Variants in PDE3A observed in about 807,000 individuals in gnomAD.
PDE3A encodes phosphodiesterase 3A.
PDE3A carries 43 observed loss-of-function variants against 98.3 expected under a neutral mutation model. The ratio of observed to expected loss-of-function variants is 0.44; its 90% confidence interval spans 0.34 to 0.56. The LOEUF (loss-of-function observed/expected upper bound fraction) is 0.56, where lower values mean the gene tolerates loss of function less well. Ranked by LOEUF, PDE3A falls within the 20% of genes least tolerant of loss-of-function variation. The pLI is 0.01. For synonymous variants in PDE3A, 663 were observed against 567.9 expected (o/e 1.17, Z -2.38); for missense variants, 1,427 against 1,440.7 (o/e 0.99, Z 0.15).
At chr12:20,427,528 A>C (rs1944620796) in intron 1 of PDE3A, among the ~76,000 whole-genome samples, 1 of 152,152 alleles carries the variant, frequency 6.6e-6, no homozygotes, top group African/African-American at 2.4e-5. Flanking sequence ...AATTCCTTTA[A>C]ATTCATCTTG....
In PDE3A at chr12:20,422,145, G is replaced by C. The variant is rs1475020822; in HGVS notation, c.960+51901G>C. On this transcript the variant is annotated intron_variant, in intron 1 of 15. Transcript: ENST00000359062. Reference sequence around the variant, plus strand: ...GCGGATCACTAGGTCAGGAGATCGAGACCATCCTGGCTAACACGGTGAAAC... The same window carrying C: ...GCGGATCACTAGGTCAGGAGATCGACACCATCCTGGCTAACACGGTGAAAC... Among the ~76,000 whole-genome samples, 6 of 152,212 alleles carry C rather than the reference G, an allele frequency of 3.9e-5. No homozygotes were observed. In the East Asian group the frequency reaches 1.2e-3, roughly 30 times the overall value.
intron 1 of PDE3A, among the ~76,000 whole-genome samples, chr12:20,420,979 C>T (rs553102132): frequency 6.6e-6 from 1 of 152,056 alleles, no homozygotes; most frequent in Non-Finnish European, 1.5e-5. Flanking sequence ...TTTGGCAGAA[C>T]AGGACCAAAA....
At chr12:20,665,954 CA>C (rs1945297361) in intron 15 of PDE3A, among the ~76,000 whole-genome samples, 1 of 135,944 alleles carries the variant, frequency 7.4e-6, no homozygotes, top group African/African-American at 2.8e-5. Context: ...GAGTATTTGT[CA>C]TTTCTTTTTT....
At chr12:20,488,223 A>G (rs1945765464) in intron 1 of PDE3A, among the ~76,000 whole-genome samples, 2 of 151,726 alleles carry the variant, frequency 1.3e-5, no homozygotes, top group Admixed American at 6.6e-5. Flanking sequence ...TCCCCACCCA[A>G]TCTCCCCTTA....
In PDE3A at chr12:20,478,483, G is replaced by A. The variant is rs371242450; in HGVS notation, c.961-78177G>A. Among the ~76,000 whole-genome samples, 4 of 152,234 alleles carry A rather than the reference G, an allele frequency of 2.6e-5. No homozygotes were observed. The East Asian group carries it at 5.8e-4, about 22-fold the overall frequency. On this transcript the variant is annotated intron_variant, in intron 1 of 15. Transcript: ENST00000359062. ...AGCAATACACACCTGCCTTCAGTGA[G>A]CCCCTGATGACACTTATTCTTTTTG...
intron 1 of PDE3A, among the ~76,000 whole-genome samples, chr12:20,554,507 T>C (rs1483899547): frequency 1.3e-5 from 2 of 151,900 alleles, no homozygotes; most frequent in Non-Finnish European, 2.9e-5. Context: ...TTTAAATCTA[T>C]AATTAATATT....
chr12:20,488,339 C>T (rs139737374), intron 1 of PDE3A, among the ~76,000 whole-genome samples: 14 of 152,180 alleles, frequency 9.2e-5, no homozygotes, highest in African/African-American at 3.4e-4. Flanking sequence ...CAGTGTTGTT[C>T]AGTGTTGGTG....
At chr12:20,439,367 T>G (rs1944830905) in intron 1 of PDE3A, among the ~76,000 whole-genome samples, 1 of 152,206 alleles carries the variant, frequency 6.6e-6, no homozygotes. Flanking sequence ...CCACATATCA[T>G]GTAGTCAACA....
intron 2 of PDE3A, among the ~76,000 whole-genome samples, chr12:20,558,698 A>AATAATG (rs1314381202): frequency 2.0e-4 from 27 of 137,442 alleles, no homozygotes; most frequent in African/African-American, 6.2e-4. Flanking sequence ...ACGAAATAAT[A>AATAATG]ATAATAATAA....
intron 1 of PDE3A, among the ~76,000 whole-genome samples, chr12:20,523,061 GC>G (rs1220512378): frequency 6.6e-6 from 1 of 151,976 alleles, no homozygotes; most frequent in Non-Finnish European, 1.5e-5. Context: ...GTATACCTGG[GC>G]GGTGGGGTGG....
At chr12:20,409,132 T>A (rs76308783) in intron 1 of PDE3A, among the ~76,000 whole-genome samples, 1 of 152,178 alleles carries the variant, frequency 6.6e-6, no homozygotes, top group African/African-American at 2.4e-5. Context: ...CCTCATTTCC[T>A]CCTGAATTCC....
At position 20,479,842 on chromosome 12, in the gene PDE3A, G is replaced by A. The variant is rs532562087; in HGVS notation, c.961-76818G>A. ...TAATAGCTGAACATTGTTCAACAAA[G>A]TCTTAAATTGATTTTAAATGGACTG... is the stretch of plus-strand genomic sequence containing the variant. On this transcript the variant is annotated intron_variant, in intron 1 of 15. Coordinates refer to ENST00000359062, the MANE Select transcript of PDE3A (RefSeq NM_000921.5). Among the ~76,000 whole-genome samples, 5 of 152,276 alleles carry A rather than the reference G, an allele frequency of 3.3e-5. No individual in the cohort carries two copies. In the South Asian group the frequency reaches 1.0e-3, roughly 32 times the overall value.
At chr12:20,532,687 C>CTTTTT (rs137966114) in intron 1 of PDE3A, among the ~76,000 whole-genome samples, 1 of 107,888 alleles carries the variant, frequency 9.3e-6, no homozygotes, top group African/African-American at 3.3e-5. Context: ...GTTTCTCTCT[C>CTTTTT]TTTTTTTTTT....
At chr12:20,647,254 C>A (rs1944797013) in intron 12 of PDE3A, among the ~76,000 whole-genome samples, 1 of 152,016 alleles carries the variant, frequency 6.6e-6, no homozygotes, top group Non-Finnish European at 1.5e-5. Context: ...ATACAAAAGC[C>A]CCTTTCTGAA....
At chr12:20,580,056 A>AAAAC (rs1476365344) in intron 2 of PDE3A, among the ~76,000 whole-genome samples, 7 of 152,212 alleles carry the variant, frequency 4.6e-5, no homozygotes, top group African/African-American at 1.2e-4. Flanking sequence ...GGTAAATATA[A>AAAAC]AAACAAACAT....
chr12:20,501,019 C>T (rs1375128429), intron 1 of PDE3A, among the ~76,000 whole-genome samples: 8 of 152,102 alleles, frequency 5.3e-5, no homozygotes, highest in African/African-American at 9.7e-5. Flanking sequence ...CTGCCCACCT[C>T]GGTCTCCCAA....
chr12:20,523,767 T>TA (rs1336823087), intron 1 of PDE3A, among the ~76,000 whole-genome samples: 1 of 152,226 alleles, frequency 6.6e-6, no homozygotes, highest in Non-Finnish European at 1.5e-5. Context: ...ATGTATCACT[T>TA]AAAGTAAAAA....
At chr12:20,524,790 C>T (rs905106095) in intron 1 of PDE3A, among the ~76,000 whole-genome samples, 5 of 152,034 alleles carry the variant, frequency 3.3e-5, no homozygotes, top group South Asian at 2.1e-4. Flanking sequence ...CTGTCTCACC[C>T]CATTCCTTGC....
chr12:20,631,787 G>C (rs1944385558), intron 6 of PDE3A, among the ~76,000 whole-genome samples: 1 of 147,714 alleles, frequency 6.8e-6, no homozygotes, highest in African/African-American at 2.5e-5. Flanking sequence ...GGATTTCACT[G>C]TCTACTTGTT....
Sources: gnomAD v4.1 joint callset for allele counts (sites outside exome capture counted in the v4.1 genomes callset) on GRCh38, gnomAD v4.1.1 for gene constraint, MANE v1.5 for transcripts, NCBI Gene and HGNC (gene_info 2026-07-23, HGNC 2026-07-21) for gene names.